Variants in RPL28 observed in about 807,000 individuals in gnomAD.
RPL28 encodes large ribosomal subunit protein eL28.
Under a neutral mutation model 12.5 loss-of-function variants are expected in RPL28, and 4 were observed. The ratio of observed to expected loss-of-function variants is 0.32; its 90% CI spans 0.16 to 0.73. The LOEUF (loss-of-function observed/expected upper bound fraction) is 0.73, where lower values mean the gene tolerates loss of function less well. Ranked by LOEUF, RPL28 falls within the 30% of genes least tolerant of loss-of-function variation. The pLI is 0.66. For missense variants in RPL28, 214 were observed against 197.7 expected, an observed-to-expected ratio of 1.08 and a Z score of -0.49; for synonymous variants, 91 against 72.5, an observed-to-expected ratio of 1.26 and a Z score of -1.30.
chr19:55,396,859 T>C (rs56087543), downstream of RPL28, among the ~76,000 whole-genome samples: 25,185 of 150,682 alleles, frequency 0.17, 2,260 homozygotes, highest in Middle Eastern at 0.23. Context: ...GGATTACAGG[T>C]GTGAGCCACG....
At position 55,388,244 on chromosome 19, in the gene RPL28, C is replaced by T; in HGVS notation, c.326C>T (p.Ala109Val). ...KNKYRPDLRM[A>V]AIRRASAILR... ...CTTGCTCTGCTCCCCCGCCCCCAGG[C>T]AGCCATCCGCAGGGCCAGCGCCATC... is the stretch of plus-strand genomic sequence containing the variant. Residue 109 changes from alanine to valine, a missense_variant and splice_region_variant, in exon 5 of 5, where the codon GCA (alanine) becomes GTA (valine). Physicochemically the swap from Ala to Val is moderately conservative, Grantham distance 64. Transcript: ENST00000344063. The T allele has an allele frequency of 6.5e-7, 1 of 1,546,718 alleles. No homozygotes were observed. Among genetic ancestry groups the T allele is most frequent in the Non-Finnish European group, 8.7e-7 (1 of 1,148,274 alleles).
In RPL28 at chr19:55,391,298, G is replaced by C; in HGVS notation, c.*2966G>C. The C allele has an allele frequency of 1.7e-6, 1 of 587,138 alleles. No homozygotes were observed. Among genetic ancestry groups the C allele is most frequent in the Non-Finnish European group, 2.4e-6 (1 of 415,148 alleles). The allele number at this position is 587,138 out of a possible 1,614,324, so 36.4% of individuals were successfully genotyped here. A position where few individuals can be genotyped will look rare whatever the true frequency, so the allele number is the denominator to read the frequency against. ...AGTTATGCCCAGCTGTGGGGACTTG[G>C]GCAGCTCGTTTAGTAGCACCGTGCC... On this transcript the variant is annotated 3_prime_UTR_variant, in exon 5 of 5. Transcript: ENST00000344063.
intron 3 of RPL28, 139 bp downstream of exon 3, chr19:55,386,832 G>A (rs2089934517): frequency 5.7e-6 from 9 of 1,579,864 alleles, no homozygotes; most frequent in Non-Finnish European, 7.7e-6. Context: ...TCTGGGTACC[G>A]GCTTCCCTCT....
intron 4 of RPL28, chr19:55,401,406 G>C (rs761547344): frequency 1.1e-5 from 16 of 1,496,662 alleles, no homozygotes; most frequent in South Asian, 9.2e-5. Flanking sequence ...GGAGAGGTTG[G>C]GGTCACGGTG....
intron 3 of RPL28, chr19:55,386,910 A>G: frequency 6.7e-7 from 1 of 1,495,094 alleles, no homozygotes; most frequent in Non-Finnish European, 8.9e-7. Flanking sequence ...AAGTGGAGAA[A>G]TGAAAAAGGA....
At chr19:55,395,916 C>A (rs911488956), downstream of RPL28, among the ~76,000 whole-genome samples, 1 of 151,934 alleles carries the variant, frequency 6.6e-6, no homozygotes, top group African/African-American at 2.4e-5. Flanking sequence ...TATTCTTTTG[C>A]CCCCGGCTTC....
intron 4 of RPL28, chr19:55,401,636 C>T (rs753261540): frequency 8.6e-5 from 139 of 1,606,954 alleles, no homozygotes; most frequent in Admixed American, 1.2e-4. Context: ...CCGCCGGCGC[C>T]CCCGTGGATC....
downstream of RPL28, among the ~76,000 whole-genome samples, chr19:55,396,771 A>G (rs187051407): frequency 0.11 from 15,824 of 148,890 alleles, 857 homozygotes; most frequent in Middle Eastern, 0.15. Flanking sequence ...TAGTAGAGAC[A>G]GGGTTTCACC....
At position 55,387,591 on chromosome 19, in the gene RPL28, G is replaced by A. The variant is rs980127325; in HGVS notation, c.206-339G>A. On this transcript the variant is annotated intron_variant, in intron 3 of 4. Transcript: ENST00000344063. ...GTGGGGATGGGCCTGGGGTTCCTGGGAAGCTGTTCATACCCATTGCCAGGA... is the reference window on the plus strand; with the variant it reads ...GTGGGGATGGGCCTGGGGTTCCTGGAAAGCTGTTCATACCCATTGCCAGGA... 8 of 1,406,082 alleles carry A rather than the reference G, an allele frequency of 5.7e-6. No homozygotes were observed. The East Asian group carries it at 1.0e-4, about 18-fold the overall frequency. The allele number at this position is 1,406,082 out of a possible 1,614,324, so 87.1% of individuals were successfully genotyped here. A position where few individuals can be genotyped will look rare whatever the true frequency, so the allele number is the denominator to read the frequency against.
intron 3 of RPL28, 164 bp from the exon 4 acceptor site, chr19:55,387,766 G>C: frequency 6.8e-7 from 1 of 1,461,990 alleles, no homozygotes; most frequent in Non-Finnish European, 9.0e-7. Flanking sequence ...GTGAGCCTCT[G>C]TGAAATGGAC....
downstream of RPL28, among the ~76,000 whole-genome samples, chr19:55,396,245 T>A (rs997197657): frequency 2.7e-5 from 4 of 150,584 alleles, no homozygotes; most frequent in Non-Finnish European, 5.9e-5. Context: ...CACTCCAGCC[T>A]GAACAACAAG....
downstream of RPL28, among the ~76,000 whole-genome samples, chr19:55,396,397 G>A (rs1386790724): frequency 6.7e-6 from 1 of 150,022 alleles, no homozygotes; most frequent in African/African-American, 2.4e-5. Flanking sequence ...TCAGGAAATG[G>A]AAGACTACCA....
rs983741583 is a variant in RPL28, at chr19:55,390,856, C to T, written c.*2524C>T. The T allele has an allele frequency of 6.4e-5, 63 of 985,264 alleles. No individual in the cohort carries two copies. Among genetic ancestry groups the T allele is most frequent in the Middle Eastern group, 1.0e-3 (2 of 1,936 alleles). 61.0% of individuals were successfully genotyped at this position (985,264 alleles called of 1,614,324 possible). ...AGTGTGCTGAGCAAACGTGGAGACA[C>T]CATTTCCCTCCTCTAGACCTCATCT... On this transcript the variant is annotated 3_prime_UTR_variant, in exon 5 of 5. Coordinates refer to ENST00000344063, the MANE Select transcript of RPL28 (RefSeq NM_000991.5).
intron 3 of RPL28, chr19:55,387,283 AGAGT>A (rs1462413738): frequency 6.4e-7 from 1 of 1,551,558 alleles, no homozygotes; most frequent in Non-Finnish European, 8.7e-7. Flanking sequence ...TTTTCTTTTT[AGAGT>A]GAGTTTTTCT....
At chr19:55,400,355 A>G (rs1055460218) in intron 4 of RPL28, 2 of 152,208 alleles carry the variant, frequency 1.3e-5, no homozygotes, top group Non-Finnish European at 2.9e-5. Flanking sequence ...ACATTGGTCT[A>G]AATAACCTAA....
downstream of RPL28, chr19:55,392,227 A>G (rs1050152403): frequency 8.1e-6 from 4 of 494,504 alleles, no homozygotes; most frequent in Non-Finnish European, 1.0e-5. Context: ...ATATGCATGC[A>G]GATCTCCTCT....
At chr19:55,398,978 A>G (rs965282096) in intron 4 of RPL28, among the ~76,000 whole-genome samples, 1 of 152,108 alleles carries the variant, frequency 6.6e-6, no homozygotes, top group Admixed American at 6.5e-5. Flanking sequence ...CTGGGATTAC[A>G]GGTGAACCAC....
chr19:55,388,763 A>AC lies in RPL28; in HGVS notation c.*432dup. ...TTGGGGTGTTCCCAAGACCTGGGGGACGACAGACATCACGGGAGGAAGATG... is the reference window on the plus strand; with the variant it reads ...TTGGGGTGTTCCCAAGACCTGGGGGACCGACAGACATCACGGGAGGAAGATG... On this transcript the variant is annotated 3_prime_UTR_variant, in exon 5 of 5. Coordinates refer to ENST00000344063, the MANE Select transcript of RPL28 (RefSeq NM_000991.5). 3 of 1,005,506 alleles carry AC rather than the reference A, an allele frequency of 3.0e-6. No individual in the cohort carries two copies. The highest frequency in any genetic ancestry group is 3.6e-6 in the Non-Finnish European group (3 of 843,894). 62.3% of individuals were successfully genotyped at this position (1,005,506 alleles called of 1,614,324 possible).
At position 55,391,657 on chromosome 19, in the gene RPL28, T is replaced by A. The variant is rs369967704; in HGVS notation, c.*3325T>A. The A allele has an allele frequency of 5.8e-6, 9 of 1,545,668 alleles. No homozygotes were observed. Among genetic ancestry groups the A allele is most frequent in the Non-Finnish European group, 7.9e-6 (9 of 1,141,706 alleles). ...TGTCTTCGTACCCTCATCTGTAACA[T>A]GCGTGTCGATAGACCCTACTACTCA... On this transcript the variant is annotated 3_prime_UTR_variant, in exon 5 of 5. Coordinates refer to ENST00000344063, the MANE Select transcript of RPL28 (RefSeq NM_000991.5).
Sources: gnomAD v4.1 joint callset for allele counts (sites outside exome capture counted in the v4.1 genomes callset) on GRCh38, gnomAD v4.1.1 for gene constraint, MANE v1.5 for transcripts, NCBI Gene and HGNC (gene_info 2026-07-23, HGNC 2026-07-21) for gene names.